FAM193A: variants seen among roughly 807,000 people sequenced by gnomAD.
FAM193A encodes family with sequence similarity 193 member A.
Under a neutral mutation model 126.5 loss-of-function variants are expected in FAM193A, and 22 were observed. That is an observed-to-expected ratio of 0.17 (90% CI 0.12 to 0.25). The LOEUF (loss-of-function observed/expected upper bound fraction) is 0.25, where lower values mean the gene tolerates loss of function less well. FAM193A is among the 10% of genes least tolerant of loss of function. The pLI, the probability that FAM193A is intolerant of heterozygous loss-of-function variation, is 1.00. For missense variants in FAM193A, 1,675 were observed against 1,672.8 expected (o/e 1.00, Z -0.02); for synonymous variants, 761 against 646.8 (o/e 1.18, Z -2.68).
At chr4:2,682,176 G>C (rs1577197268) in intron 13 of FAM193A, among the ~76,000 whole-genome samples, 2 of 151,892 alleles carry the variant, frequency 1.3e-5, no homozygotes, top group Admixed American at 1.3e-4. Flanking sequence ...AGTAAAGACA[G>C]GGTTTCACCA....
At chr4:2,713,207 C>A (rs1359946143) in intron 19 of FAM193A, among the ~76,000 whole-genome samples, 1 of 151,764 alleles carries the variant, frequency 6.6e-6, no homozygotes, top group Non-Finnish European at 1.5e-5. Flanking sequence ...GAGATCAAGA[C>A]CATCCTGGCC....
Position 2,693,657 on chromosome 4 carries a change from ACGGGCTTGGCCCCCCTCCCAG to A in FAM193A, c.2878_2898del (p.Gly960_Ala966del), listed in dbSNP as rs1276380614. ...CCCAGCCGCCCCGAGGAATAGCCCC[ACGGGCTTGGCCCCCCTCCCAG>A]CGCTCTCGCCTGCTGCGCTGTCACC... On this transcript the variant is annotated inframe_deletion, in exon 16 of 21. Transcript: ENST00000637812. The A allele has an allele frequency of 1.2e-6, 2 of 1,614,152 alleles. No individual in the cohort carries two copies. Among genetic ancestry groups the A allele is most frequent in the Non-Finnish European group, 1.7e-6 (2 of 1,180,022 alleles).
intron 1 of FAM193A, among the ~76,000 whole-genome samples, chr4:2,541,046 G>T (rs1277033622): frequency 6.6e-6 from 1 of 151,902 alleles, no homozygotes; most frequent in Non-Finnish European, 1.5e-5. Context: ...CGAGGCAGGA[G>T]GATCAGCTGA....
At chr4:2,665,115 G>T (rs1481271999) in intron 12 of FAM193A, among the ~76,000 whole-genome samples, 1 of 152,106 alleles carries the variant, frequency 6.6e-6, no homozygotes, top group Non-Finnish European at 1.5e-5. Context: ...CTGTGAATAT[G>T]CTTTATCTTT....
Position 2,672,182 on chromosome 4 carries a change from C to T in FAM193A, c.2141C>T (p.Thr714Ile), listed in dbSNP as rs974973924. The T allele has an allele frequency of 4.3e-6, 7 of 1,614,086 alleles. No homozygotes were observed. Among genetic ancestry groups the T allele is most frequent in the Non-Finnish European group, 5.9e-6 (7 of 1,180,038 alleles). ...TGTAAGCAGGAAGCTTCTGGACTGA[C>T]ACCATCTGCAATGACAGCCGGAGCC... Reference protein sequence around the residue: ...HVCKQEASGLTPSAMTAGALP... With the variant: ...HVCKQEASGLIPSAMTAGALP... The change falls in exon 13 of 21, where the codon ACA becomes ATA. Residue 714 changes from threonine to isoleucine, a missense_variant. Coordinates refer to ENST00000637812, the MANE Select transcript of FAM193A (RefSeq NM_001366318.2).
chr4:2,697,620 C>A (rs1379933358), intron 18 of FAM193A, among the ~76,000 whole-genome samples: 2 of 152,198 alleles, frequency 1.3e-5, no homozygotes, highest in East Asian at 1.9e-4. Flanking sequence ...CACAGTGGAC[C>A]AGAGGGTGGG....
At chr4:2,555,973 C>T (rs1228130436) in intron 1 of FAM193A, among the ~76,000 whole-genome samples, 9 of 150,748 alleles carry the variant, frequency 6.0e-5, no homozygotes, top group Non-Finnish European at 1.2e-4. Context: ...GGCCTGATCT[C>T]GGCTCCCTGA....
At chr4:2,693,937 A>T in intron 16 of FAM193A, 63 bp downstream of exon 16, 1 of 1,511,334 alleles carries the variant, frequency 6.6e-7, no homozygotes, top group Non-Finnish European at 9.1e-7. Context: ...TGCCTCACTA[A>T]CACAGCTACA....
intron 1 of FAM193A, among the ~76,000 whole-genome samples, 161 bp downstream of exon 1, chr4:2,537,331 G>C (rs985487758): frequency 6.6e-6 from 1 of 152,112 alleles, no homozygotes; most frequent in Non-Finnish European, 1.5e-5. Context: ...CCGAGGTCCC[G>C]GGGCAGGGCG....
chr4:2,669,371 G>A (rs1469081248), intron 12 of FAM193A, among the ~76,000 whole-genome samples: 1 of 152,100 alleles, frequency 6.6e-6, no homozygotes, highest in Non-Finnish European at 1.5e-5. Flanking sequence ...CACTTTGGGA[G>A]GCAGAGGCGG....
intron 1 of FAM193A, among the ~76,000 whole-genome samples, chr4:2,549,643 G>A (rs1407824572): frequency 4.0e-5 from 6 of 149,456 alleles, no homozygotes; most frequent in South Asian, 2.1e-4. Flanking sequence ...TGATCCGCCC[G>A]CCTCAGCCTC....
rs202003033 is a variant in FAM193A, at chr4:2,659,909, C to G, written c.1600C>G (p.Gln534Glu). 10 of 1,614,092 alleles carry G rather than the reference C, an allele frequency of 6.2e-6. No individual in the cohort carries two copies. Among genetic ancestry groups the G allele is most frequent in the Non-Finnish European group, 8.5e-6 (10 of 1,180,040 alleles). ...CATCCACATTCACCAGCTCCCACTTCAAGTGGATCCTGCTCCTGACTATCT... is the reference window on the plus strand; with the variant it reads ...CATCCACATTCACCAGCTCCCACTTGAAGTGGATCCTGCTCCTGACTATCT... ...DDIHIHQLPL[Q>E]VDPAPDYLAE... The change falls in exon 10 of 21, where the codon CAA becomes GAA. Residue 534 changes from glutamine to glutamate, a missense_variant. This residue lies in a region of FAM193A where 1,186 missense variants were observed against 1,109.2 expected (regional missense o/e 1.07). Transcript: ENST00000637812.
chr4:2,562,154 T>G (rs1366911547), intron 1 of FAM193A, among the ~76,000 whole-genome samples: 1 of 152,060 alleles, frequency 6.6e-6, no homozygotes, highest in Non-Finnish European at 1.5e-5. Context: ...GGTCAAAAGA[T>G]TTCAGTGACT....
chr4:2,710,178 T>TTTTTTTTTTTTTTTTTTTTTC (rs1718775572), intron 19 of FAM193A, among the ~76,000 whole-genome samples: 2 of 92,196 alleles, frequency 2.2e-5, no homozygotes, highest in Non-Finnish European at 4.1e-5. Flanking sequence ...TTTTTTTTTC[T>TTTTTTTTTTTTTTTTTTTTTC]TTTTTTTTTT....
At chr4:2,712,312 C>T (rs1719067792) in intron 19 of FAM193A, among the ~76,000 whole-genome samples, 1 of 152,116 alleles carries the variant, frequency 6.6e-6, no homozygotes, top group African/African-American at 2.4e-5. Flanking sequence ...GTCCTCATGG[C>T]CTGTCTTCTG....
At chr4:2,647,445 C>A (rs1745264969) in intron 7 of FAM193A, among the ~76,000 whole-genome samples, 1 of 152,100 alleles carries the variant, frequency 6.6e-6, no homozygotes, top group Admixed American at 6.6e-5. Flanking sequence ...CACGCCTGGT[C>A]CAGGTAGGAG....
chr4:2,561,585 C>T (rs774191490), intron 1 of FAM193A, among the ~76,000 whole-genome samples: 2 of 150,646 alleles, frequency 1.3e-5, no homozygotes, highest in Non-Finnish European at 2.9e-5. Flanking sequence ...CAACCACTGT[C>T]TCCCAGGTTC....
chr4:2,592,530 C>T (rs914117755), intron 1 of FAM193A, among the ~76,000 whole-genome samples: 9 of 152,198 alleles, frequency 5.9e-5, no homozygotes, highest in Non-Finnish European at 1.0e-4. Context: ...AGTTTTCCAA[C>T]ATTGGCCCAC....
chr4:2,587,650 TGCTACTGCAGTCCA>T (rs1257611971), intron 1 of FAM193A, among the ~76,000 whole-genome samples: 1 of 152,076 alleles, frequency 6.6e-6, no homozygotes, highest in African/African-American at 2.4e-5. Context: ...GCCAAGATCG[TGCTACTGCAGTCCA>T]GCCTAGGCAA....
Sources: allele counts gnomAD v4.1 joint callset (sites outside exome capture counted in the v4.1 genomes callset), GRCh38; gene constraint gnomAD v4.1.1; regional missense constraint gnomAD v4.1.1; transcripts MANE v1.5; gene names NCBI Gene and HGNC (gene_info 2026-07-23, HGNC 2026-07-21).